Variants in PRKCH observed in about 807,000 individuals in gnomAD.
PRKCH encodes the protein protein kinase C eta type.
Under a neutral mutation model 82.5 loss-of-function variants are expected in PRKCH, and 28 were observed. The observed-to-expected ratio is 0.34, with a 90% CI of 0.25 to 0.47. PRKCH has a LOEUF of 0.47. Among genes scored for constraint, PRKCH ranks in the 20% least tolerant of loss-of-function variants. The pLI, the probability that PRKCH is intolerant of heterozygous loss-of-function variation, is 1.00. For missense variants in PRKCH, 705 were observed against 881.8 expected (o/e 0.80, Z 2.54); for synonymous variants, 322 against 327.4 (o/e 0.98, Z 0.18).
At chr14:61,347,445 G>A (rs369188191) in intron 1 of PRKCH, among the ~76,000 whole-genome samples, 26 of 152,286 alleles carry the variant, frequency 1.7e-4, no homozygotes, top group African/African-American at 6.3e-4. Flanking sequence ...CCCATACCCA[G>A]GTGTGGTCAG....
At position 61,529,096 on chromosome 14, in the gene PRKCH, C is replaced by G; in HGVS notation, c.1455C>G (p.Val485=). Residue 485 remains valine (V), a synonymous_variant, in exon 11 of 14, where the codon GTC becomes GTG. Transcript: ENST00000332981. The part of the protein sequence containing the change: ...IIYRDLKLDN[V]LLDHEGHCKL... The stretch of plus-strand genomic sequence containing the variant: ...TCAGAGATCTGAAACTGGACAATGT[C>G]CTGTTGGACCACGAGGGTCACTGTA... The G allele has an allele frequency of 6.2e-7, 1 of 1,612,630 alleles. No individual in the cohort carries two copies. The highest frequency in any genetic ancestry group is 8.5e-7 in the Non-Finnish European group (1 of 1,179,370).
chr14:61,230,317 T>C (rs371173245), intron 1 of PRKCH, among the ~76,000 whole-genome samples: 34 of 152,324 alleles, frequency 2.2e-4, no homozygotes, highest in African/African-American at 8.2e-4. Context: ...TTGGTCTCGA[T>C]GTCACTTAAT....
intron 1 of PRKCH, among the ~76,000 whole-genome samples, chr14:61,228,215 A>G (rs1241212908): frequency 6.6e-6 from 1 of 152,212 alleles, no homozygotes; most frequent in Non-Finnish European, 1.5e-5. Flanking sequence ...TCCCGAGGAG[A>G]GAAGAAATGC....
Position 61,405,815 on chromosome 14 carries a change from A to G in PRKCH, c.427+14527A>G, listed in dbSNP as rs572782261. 2.0e-4 allele frequency among the ~76,000 whole-genome samples: 30 copies of G among 152,304 alleles called. No individual in the cohort carries two copies. The South Asian group carries it at 6.0e-3, about 30-fold the overall frequency. On this transcript the variant is annotated intron_variant, in intron 2 of 13. Transcript: ENST00000332981. ...TCTTGGTACCTTATAGGGACTTAGT[A>G]TATAGCTTTTGGAAAGTTAATTCTT...
intron 1 of PRKCH, among the ~76,000 whole-genome samples, chr14:61,234,374 A>G (rs1008265230): frequency 6.6e-6 from 1 of 152,184 alleles, no homozygotes; most frequent in Admixed American, 6.5e-5. Flanking sequence ...TAGTCATTAT[A>G]CTAGTGTGCT....
intron 10 of PRKCH, among the ~76,000 whole-genome samples, chr14:61,491,653 T>G (rs1886453619): frequency 6.6e-6 from 1 of 152,222 alleles, no homozygotes; most frequent in African/African-American, 2.4e-5. Flanking sequence ...GCTTTCCAGC[T>G]TCTTAGAGTA....
At chr14:61,489,050 CAG>C (rs1200165650) in intron 10 of PRKCH, among the ~76,000 whole-genome samples, 1 of 152,162 alleles carries the variant, frequency 6.6e-6, no homozygotes, top group Non-Finnish European at 1.5e-5. Flanking sequence ...AGGCTGGGAA[CAG>C]AGTCTTAAGG....
chr14:61,365,007 G>A (rs2046279475), intron 1 of PRKCH, among the ~76,000 whole-genome samples: 1 of 152,048 alleles, frequency 6.6e-6, no homozygotes, highest in African/African-American at 2.4e-5. Flanking sequence ...AGGTAGAGCA[G>A]TTTGAGGGAG....
chr14:61,390,900 T>C (rs1285798302), intron 1 of PRKCH: 8 of 227,500 alleles, frequency 3.5e-5, no homozygotes, highest in African/African-American at 4.7e-5. Context: ...AATGCTGCTC[T>C]TATAAGCCAT....
chr14:61,392,780 G>A (rs2046704450), intron 2 of PRKCH, among the ~76,000 whole-genome samples: 2 of 149,368 alleles, frequency 1.3e-5, no homozygotes, highest in African/African-American at 2.4e-5. Context: ...TAGTTCATAT[G>A]TTTTATGTCT....
chr14:61,392,030 G>A (rs1048571588), intron 2 of PRKCH, among the ~76,000 whole-genome samples: 1 of 151,934 alleles, frequency 6.6e-6, no homozygotes, highest in African/African-American at 2.4e-5. Flanking sequence ...TTTTATGTCT[G>A]GTTTCTTTCA....
Position 61,322,217 on chromosome 14 carries a change from A to G in PRKCH, c.116A>G (p.Gln39Arg), listed in dbSNP as rs2045635713. ...LRHSLFKKGHQLLDPYLTVSV... is the reference protein window; with the variant it reads ...LRHSLFKKGHRLLDPYLTVSV... ...CACTCGCTCTTCAAGAAGGGCCACC[A>G]GCTGCTGGACCCCTATCTGACGGTG... Residue 39 changes from glutamine (Q) to arginine (R), a missense_variant, in exon 1 of 14, where the codon CAG becomes CGG. This residue lies in a region of PRKCH where 246 missense variants were observed against 308.0 expected (regional missense o/e 0.80). Coordinates refer to ENST00000332981, the MANE Select transcript of PRKCH (RefSeq NM_006255.5). 1 of 1,613,376 alleles carries G rather than the reference A, an allele frequency of 6.2e-7. No individual in the cohort carries two copies. The highest frequency in any genetic ancestry group is 8.5e-7 in the Non-Finnish European group (1 of 1,179,814).
intron 2 of PRKCH, among the ~76,000 whole-genome samples, chr14:61,412,067 G>T (rs533425276): frequency 6.6e-6 from 1 of 152,146 alleles, no homozygotes; most frequent in Admixed American, 6.5e-5. Flanking sequence ...GAGTAACTTA[G>T]CTGTGTCCCA....
chr14:61,356,806 C>A (rs550101839), intron 1 of PRKCH, among the ~76,000 whole-genome samples: 1 of 152,284 alleles, frequency 6.6e-6, no homozygotes, highest in East Asian at 1.9e-4. Context: ...CTCAGCCTCC[C>A]AAGTAGGTGG....
chr14:61,426,782 T>A (rs1883130374), intron 2 of PRKCH, among the ~76,000 whole-genome samples: 1 of 152,232 alleles, frequency 6.6e-6, no homozygotes, highest in Non-Finnish European at 1.5e-5. Context: ...AGGAATTTTC[T>A]CATACAACTA....
intron 2 of PRKCH, among the ~76,000 whole-genome samples, chr14:61,405,867 T>G (rs1185794005): frequency 4.6e-5 from 7 of 152,242 alleles, no homozygotes; most frequent in Non-Finnish European, 7.3e-5. Flanking sequence ...ACTTCTTGTT[T>G]CATGTAAATG....
intron 2 of PRKCH, among the ~76,000 whole-genome samples, chr14:61,432,023 A>AT (rs1306213006): frequency 2.1e-5 from 3 of 143,750 alleles, no homozygotes; most frequent in Admixed American, 7.0e-5. Flanking sequence ...TACCAATTCC[A>AT]TTTTTTCCCA....
At chr14:61,401,000 C>T (rs1317204443) in intron 2 of PRKCH, among the ~76,000 whole-genome samples, 3 of 152,026 alleles carry the variant, frequency 2.0e-5, no homozygotes, top group Non-Finnish European at 4.4e-5. Context: ...TTCTTTATTC[C>T]ATCTTAGAGG....
intron 1 of PRKCH, among the ~76,000 whole-genome samples, chr14:61,260,581 T>C (rs1415160261): frequency 6.6e-6 from 1 of 152,224 alleles, no homozygotes; most frequent in East Asian, 1.9e-4. Flanking sequence ...CATTAAACTT[T>C]CAGTTGGAAT....
Sources: gnomAD v4.1 joint callset for allele counts (sites outside exome capture counted in the v4.1 genomes callset) on GRCh38, gnomAD v4.1.1 for gene constraint, gnomAD v4.1.1 regional missense constraint, MANE v1.5 for transcripts, NCBI Gene and HGNC (gene_info 2026-07-23, HGNC 2026-07-21) for gene names.